LRRC53: variants seen among roughly 807,000 people sequenced by gnomAD.
The protein encoded by LRRC53 is leucine-rich repeat-containing protein 53.
Under a neutral mutation model 13.6 loss-of-function variants are expected in LRRC53, and 25 were observed. That is an observed-to-expected ratio of 1.83 (90% CI 1.34 to 2.56). LRRC53 has a LOEUF of 2.56. LRRC53 is among the 30% of genes most tolerant of loss of function. The pLI, the probability that LRRC53 is intolerant of heterozygous loss-of-function variation, is 0.00. For synonymous variants in LRRC53, 204 were observed against 109.8 expected (o/e 1.86, Z -5.37); for missense variants, 527 against 275.8 (o/e 1.91, Z -6.45).
intron 4 of LRRC53, among the ~76,000 whole-genome samples, chr1:74,474,484 C>T (rs1026348717): frequency 6.6e-6 from 1 of 152,082 alleles, no homozygotes; most frequent in African/African-American, 2.4e-5. Context: ...TAGGGCCAGA[C>T]CCCTGTGGTA....
At chr1:74,511,216 G>A (rs111313853) in intron 1 of LRRC53, among the ~76,000 whole-genome samples, 27 of 144,582 alleles carry the variant, frequency 1.9e-4, no homozygotes, top group African/African-American at 7.0e-4. Flanking sequence ...TTCCGAGATG[G>A]AATTTCGCTC....
At chr1:74,536,184 C>G in the LRRC53 span, among the ~76,000 whole-genome samples, 1 of 152,062 alleles carries the variant, frequency 6.6e-6, no homozygotes, top group African/African-American at 2.4e-5. Context: ...TAGCACTTTT[C>G]CCATTCTTCT....
rs1557588349 is a variant in LRRC53 at position 74,471,994 on chromosome 1, A to G, written c.1628T>C (p.Ile543Thr). ...ATATTTTGATCTATTTTTTTGTACGATCTTTTGTACATAGTGTTCCTCAGG... is the reference window on the plus strand; with the variant it reads ...ATATTTTGATCTATTTTTTTGTACGGTCTTTTGTACATAGTGTTCCTCAGG... ...CEPEEHYVQKIVQKNRSKYDD... is the reference protein window; with the variant it reads ...CEPEEHYVQKTVQKNRSKYDD... Residue 543 changes from isoleucine (I) to threonine (T), a missense_variant, in exon 5 of 5, where the codon ATC becomes ACC. Physicochemically the swap from Ile to Thr is moderately conservative, Grantham distance 89. Transcript: ENST00000294635. 1.6e-6 allele frequency: 1 copy of G among 642,140 alleles called. No homozygotes were observed. The highest frequency in any genetic ancestry group is 2.7e-5 in the East Asian group (1 of 36,368). The allele number at this position is 642,140 out of a possible 1,614,324, so 39.8% of individuals were successfully genotyped here.
At chr1:74,495,167 T>G (rs1358841463) in intron 1 of LRRC53, among the ~76,000 whole-genome samples, 1 of 152,250 alleles carries the variant, frequency 6.6e-6, no homozygotes, top group Admixed American at 6.5e-5. Flanking sequence ...TGTATCTGTC[T>G]GCTAGGTGCA....
In LRRC53 at chr1:74,469,485, T is replaced by C. The variant is rs536820524; in HGVS notation, c.*393A>G. ...GTAGAAAGCAATATTGTAATACCAC[T>C]AATTGAGATATGTATAATAATTTAC... On this transcript the variant is annotated 3_prime_UTR_variant, in exon 5 of 5. Transcript: ENST00000294635. 4 of 156,498 alleles carry C rather than the reference T, an allele frequency of 2.6e-5. No homozygotes were observed. Among genetic ancestry groups the C allele is most frequent in the Non-Finnish European group, 5.6e-5 (4 of 71,072 alleles). 9.7% of individuals were successfully genotyped at this position (156,498 alleles called of 1,614,324 possible). A position where few individuals can be genotyped will look rare whatever the true frequency, so the allele number is the denominator to read the frequency against.
At chr1:74,529,455 G>A in the LRRC53 span, among the ~76,000 whole-genome samples, 1 of 152,332 alleles carries the variant, frequency 6.6e-6, no homozygotes, top group Admixed American at 6.5e-5. Context: ...GAGATGGAGA[G>A]ACCATTTCAG....
Position 74,471,982 on chromosome 1 carries a change from T to C in LRRC53, c.1640A>G (p.Asn547Ser). 1 of 627,604 alleles carries C rather than the reference T, an allele frequency of 1.6e-6. No individual in the cohort carries two copies. 38.9% of individuals were successfully genotyped at this position (627,604 alleles called of 1,614,324 possible). Residue 547 changes from asparagine to serine, a missense_variant, in exon 5 of 5, where the codon AAT (asparagine) becomes AGT (serine). Physicochemically the swap from Asn to Ser is conservative, Grantham distance 46 (BLOSUM62 1). Transcript: ENST00000294635. ...EHYVQKIVQK[N>S]RSKYDDPCGL... is the part of the protein sequence containing the mutation. ...ACAAGGATCATCATATTTTGATCTA[T>C]TTTTTTGTACGATCTTTTGTACATA...
chr1:74,533,013 T>G, the LRRC53 span, among the ~76,000 whole-genome samples: 21 of 152,136 alleles, frequency 1.4e-4, no homozygotes, highest in African/African-American at 5.1e-4. Context: ...GGGCAAGGAC[T>G]TCATGTCCAA....
the LRRC53 span, among the ~76,000 whole-genome samples, chr1:74,526,465 G>A: frequency 4.6e-5 from 7 of 152,136 alleles, no homozygotes; most frequent in East Asian, 5.8e-4. Context: ...CAAGTTCTAC[G>A]GTTCTTATAA....
upstream of LRRC53, among the ~76,000 whole-genome samples, chr1:74,517,374 A>G (rs1646364586): frequency 6.6e-6 from 1 of 152,110 alleles, no homozygotes; most frequent in Non-Finnish European, 1.5e-5. Context: ...AGTATCAAAA[A>G]TTTTCTGGCA....
At chr1:74,521,371 A>G in the LRRC53 span, among the ~76,000 whole-genome samples, 2 of 152,152 alleles carry the variant, frequency 1.3e-5, no homozygotes, top group Non-Finnish European at 2.9e-5. Context: ...CAAACTATGT[A>G]AGTCACTTAA....
chr1:74,469,411 A>G lies in LRRC53; in HGVS notation c.*467T>C, dbSNP rs1302430982. On this transcript the variant is annotated 3_prime_UTR_variant, in exon 5 of 5. Coordinates refer to ENST00000294635, the MANE Select transcript of LRRC53 (RefSeq NM_001382280.1). ...AAAGCTGAATTTTTATTTTCATACTATAATTAGGAAAACAGATCAAACACA... is the reference window on the plus strand; with the variant it reads ...AAAGCTGAATTTTTATTTTCATACTGTAATTAGGAAAACAGATCAAACACA... 1.3e-5 allele frequency: 2 copies of G among 152,776 alleles called. No individual in the cohort carries two copies. The highest frequency in any genetic ancestry group is 2.9e-5 in the Non-Finnish European group (2 of 68,162). The allele number at this position is 152,776 out of a possible 1,614,324, so 9.5% of individuals were successfully genotyped here. A position where few individuals can be genotyped will look rare whatever the true frequency, so the allele number is the denominator to read the frequency against.
chr1:74,495,585 A>C (rs1004494657), intron 1 of LRRC53, among the ~76,000 whole-genome samples: 1 of 152,168 alleles, frequency 6.6e-6, no homozygotes, highest in African/African-American at 2.4e-5. Flanking sequence ...TATTTTAAAC[A>C]CTTTAAATAG....
chr1:74,470,597 T>C lies in LRRC53; in HGVS notation c.3025A>G (p.Ile1009Val). ...TTGTTCTTGGATTGTGTTTGGGGAA[T>C]GAGAGAGGAATCATAAGTTTCTGTT... The part of the protein sequence containing the change: ...SKTETYDSSL[I>V]PQTQSKNNLS... Residue 1009 changes from isoleucine to valine, a missense_variant, in exon 5 of 5, where the codon ATT (isoleucine) becomes GTT (valine). By Grantham distance (29) the Ile-to-Val change is conservative. Transcript: ENST00000294635. 2.5e-6 allele frequency: 1 copy of C among 400,724 alleles called. No homozygotes were observed. Among genetic ancestry groups the C allele is most frequent in the Non-Finnish European group, 4.4e-6 (1 of 226,184 alleles). 24.8% of individuals were successfully genotyped at this position (400,724 alleles called of 1,614,324 possible). A position where few individuals can be genotyped will look rare whatever the true frequency, so the allele number is the denominator to read the frequency against.
In LRRC53 at chr1:74,470,226, G is replaced by A. The variant is rs375615540; in HGVS notation, c.3396C>T (p.Ala1132=). 34 of 400,472 alleles carry A rather than the reference G, an allele frequency of 8.5e-5. No individual in the cohort carries two copies. The highest frequency in any genetic ancestry group is 3.1e-4 in the Middle Eastern group (1 of 3,242). 24.8% of individuals were successfully genotyped at this position (400,472 alleles called of 1,614,324 possible). The change falls in exon 5 of 5, where the codon GCC becomes GCT. Residue 1132 remains alanine (A), a synonymous_variant. Coordinates refer to ENST00000294635, the MANE Select transcript of LRRC53 (RefSeq NM_001382280.1). Reference sequence around the variant, plus strand: ...AATCTTTAGCTGTAATGGTCTCCTCGGCAGAGCTTGCATCATGTAATATAT... The same window carrying A: ...AATCTTTAGCTGTAATGGTCTCCTCAGCAGAGCTTGCATCATGTAATATAT... The part of the protein sequence containing the change: ...EKYILHDASS[A]EETITAKDLS...
chr1:74,473,395 G>A (rs980855011), intron 4 of LRRC53, among the ~76,000 whole-genome samples: 5 of 151,886 alleles, frequency 3.3e-5, no homozygotes, highest in African/African-American at 1.2e-4. Context: ...TTATTTATTA[G>A]TATACTTTCT....
At position 74,474,284 on chromosome 1, in the gene LRRC53, G is replaced by C. The variant is rs137868170; in HGVS notation, c.1420+1011C>G. On this transcript the variant is annotated intron_variant, in intron 4 of 4. Coordinates refer to ENST00000294635, the MANE Select transcript of LRRC53 (RefSeq NM_001382280.1). ...CTTATTTCTTTATAAAATAAAGCCAGTCTGACCTGGTTTCTATGGCATATG... is the reference window on the plus strand; with the variant it reads ...CTTATTTCTTTATAAAATAAAGCCACTCTGACCTGGTTTCTATGGCATATG... Among the ~76,000 whole-genome samples, 6 of 152,242 alleles carry C rather than the reference G, an allele frequency of 3.9e-5. No homozygotes were observed. In the East Asian group the frequency reaches 1.2e-3, roughly 29 times the overall value.
chr1:74,536,426 A>G, the LRRC53 span, among the ~76,000 whole-genome samples: 1 of 152,180 alleles, frequency 6.6e-6, no homozygotes, highest in South Asian at 2.1e-4. Flanking sequence ...GCATGAATTA[A>G]TTAGTAAAAA....
the LRRC53 span, among the ~76,000 whole-genome samples, chr1:74,533,762 G>A: frequency 6.6e-6 from 1 of 151,964 alleles, no homozygotes; most frequent in African/African-American, 2.4e-5. Context: ...GTCCTTTGTA[G>A]GGACATGGAT....
Sources: gnomAD v4.1 joint callset for allele counts (sites outside exome capture counted in the v4.1 genomes callset) on GRCh38, gnomAD v4.1.1 for gene constraint, MANE v1.5 for transcripts, NCBI Gene and HGNC (gene_info 2026-07-23, HGNC 2026-07-21) for gene names.